Variants in CNOT6 observed in about 807,000 individuals in gnomAD.
The protein encoded by CNOT6 is CCR4-NOT transcription complex subunit 6, also known as carbon catabolite repression 4 protein.
In CNOT6, 12 loss-of-function variants were observed where a neutral mutation model predicts 61.2. The ratio of observed to expected loss-of-function variants is 0.20; its 90% CI spans 0.13 to 0.32. The LOEUF (loss-of-function observed/expected upper bound fraction) is 0.32, where lower values mean the gene tolerates loss of function less well. CNOT6 is among the 10% of genes least tolerant of loss of function. The probability of loss-of-function intolerance (pLI) is 1.00; values close to 1 mark genes in which losing one functional copy is unlikely to be tolerated. For synonymous variants in CNOT6, 225 were observed against 240.6 expected (o/e 0.94, Z 0.60); for missense variants, 405 against 663.9 (o/e 0.61, Z 4.28).
chr5:180,544,777 G>A (rs1759228841), intron 2 of CNOT6, among the ~76,000 whole-genome samples: 1 of 152,142 alleles, frequency 6.6e-6, no homozygotes, highest in Admixed American at 6.6e-5. Context: ...CCTCTCTTGA[G>A]TGAAGAGGGC....
intron 1 of CNOT6, among the ~76,000 whole-genome samples, chr5:180,519,240 A>T (rs555374828): frequency 1.3e-5 from 2 of 152,350 alleles, no homozygotes; most frequent in Admixed American, 6.5e-5. Flanking sequence ...GCAGGAGTTG[A>T]TGTTGGTTCA....
intron 2 of CNOT6, among the ~76,000 whole-genome samples, chr5:180,531,030 T>A (rs1168020296): frequency 6.6e-6 from 1 of 152,236 alleles, no homozygotes; most frequent in African/African-American, 2.4e-5. Flanking sequence ...CCCTTTTCTA[T>A]TCGACAAAAC....
At chr5:180,550,846 A>G (rs374302143) in intron 3 of CNOT6, among the ~76,000 whole-genome samples, 28 of 152,264 alleles carry the variant, frequency 1.8e-4, no homozygotes, top group African/African-American at 6.7e-4. Context: ...GACTTGAAGG[A>G]GCTATAATTA....
chr5:180,552,081 C>G (rs1411090853), intron 3 of CNOT6, among the ~76,000 whole-genome samples: 1 of 151,728 alleles, frequency 6.6e-6, no homozygotes, highest in African/African-American at 2.4e-5. Context: ...GTTGGCCAGG[C>G]TAGTCTCAAA....
chr5:180,546,151 C>T (rs1759303326), intron 2 of CNOT6, among the ~76,000 whole-genome samples: 1 of 152,140 alleles, frequency 6.6e-6, no homozygotes. Context: ...GCCTCGGCCT[C>T]CCAAAGTGCT....
intron 1 of CNOT6, among the ~76,000 whole-genome samples, chr5:180,514,660 T>C (rs1757551498): frequency 5.3e-5 from 8 of 152,222 alleles, no homozygotes; most frequent in Admixed American, 3.9e-4. Flanking sequence ...GGTTTTTGTT[T>C]GCTTTCCAGT....
Position 180,576,776 on chromosome 5 carries a change from A to G in CNOT6, c.*2576A>G, listed in dbSNP as rs183410300. 9 of 152,346 alleles carry G rather than the reference A, an allele frequency of 5.9e-5. No homozygotes were observed. Among genetic ancestry groups the G allele is most frequent in the Admixed American group, 3.9e-4 (6 of 15,302 alleles). 9.4% of individuals were successfully genotyped at this position (152,346 alleles called of 1,614,324 possible). On this transcript the variant is annotated 3_prime_UTR_variant, in exon 12 of 12. Transcript: ENST00000261951. ...TTTTCCGTGTCCTAAATAATTTTCA[A>G]TAATCTATAATCCCTAAAATGCAAT...
intron 4 of CNOT6, among the ~76,000 whole-genome samples, chr5:180,557,397 G>A (rs867797861): frequency 2.2e-4 from 33 of 152,010 alleles, no homozygotes; most frequent in African/African-American, 7.0e-4. Flanking sequence ...CCAGCATTTG[G>A]TGTTGTGACT....
Position 180,501,591 on chromosome 5 carries a change from C to T in CNOT6, c.-3+6828C>T, listed in dbSNP as rs559092422. On this transcript the variant is annotated intron_variant, in intron 1 of 11. Coordinates refer to ENST00000261951, the MANE Select transcript of CNOT6 (RefSeq NM_001370472.1). ...GAGTGTGTGAACAAATGTTTTTCAC[C>T]CTTTTGACAGAGGTAAGATCTCCAT... 2.5e-4 allele frequency among the ~76,000 whole-genome samples: 38 copies of T among 152,032 alleles called. No individual in the cohort carries two copies. The South Asian group carries it at 7.7e-3, about 31-fold the overall frequency.
chr5:180,518,035 G>A (rs1369647167), intron 1 of CNOT6, among the ~76,000 whole-genome samples: 1 of 152,134 alleles, frequency 6.6e-6, no homozygotes, highest in Non-Finnish European at 1.5e-5. Flanking sequence ...GATTACTATA[G>A]TAGTTTCGTC....
chr5:180,496,045 T>C (rs1382501581), intron 1 of CNOT6, among the ~76,000 whole-genome samples: 1 of 152,178 alleles, frequency 6.6e-6, no homozygotes, highest in East Asian at 1.9e-4. Flanking sequence ...CCTGACTAGC[T>C]GGGACTACCG....
At chr5:180,538,034 CTTTTT>C (rs57646217) in intron 2 of CNOT6, among the ~76,000 whole-genome samples, 1 of 74,362 alleles carries the variant, frequency 1.3e-5, no homozygotes. Flanking sequence ...GGAACATCAT[CTTTTT>C]TTTTTTTTTT....
chr5:180,523,924 T>A (rs1452521221), intron 1 of CNOT6, among the ~76,000 whole-genome samples: 3 of 152,230 alleles, frequency 2.0e-5, no homozygotes, highest in Non-Finnish European at 4.4e-5. Context: ...AGGTTTTGTA[T>A]GTTTAAGCTG....
At chr5:180,524,509 T>C (rs1025086397) in intron 1 of CNOT6, among the ~76,000 whole-genome samples, 2 of 152,078 alleles carry the variant, frequency 1.3e-5, no homozygotes, top group African/African-American at 4.8e-5. Flanking sequence ...ACTGAAGAGA[T>C]CTTCAGTGCC....
At chr5:180,503,751 G>T (rs541631776) in intron 1 of CNOT6, among the ~76,000 whole-genome samples, 1 of 151,470 alleles carries the variant, frequency 6.6e-6, no homozygotes, top group Non-Finnish European at 1.5e-5. Context: ...GACTACAGGC[G>T]TGCGCCACCA....
At chr5:180,509,911 C>T (rs139346819) in intron 1 of CNOT6, among the ~76,000 whole-genome samples, 15 of 148,504 alleles carry the variant, frequency 1.0e-4, no homozygotes, top group Admixed American at 6.1e-4. Flanking sequence ...GAGATTATCA[C>T]GGGGTTCTGA....
chr5:180,522,532 TGTTA>T (rs144268648), intron 1 of CNOT6, among the ~76,000 whole-genome samples: 1,584 of 152,328 alleles, frequency 0.01, 18 homozygotes, highest in Non-Finnish European at 0.015. Context: ...CGCCAGCATC[TGTTA>T]GTTTTTATCT....
At chr5:180,525,391 T>G (rs190015497) in intron 1 of CNOT6, among the ~76,000 whole-genome samples, 1 of 152,056 alleles carries the variant, frequency 6.6e-6, no homozygotes, top group Non-Finnish European at 1.5e-5. Context: ...ATACAAAGAT[T>G]AGCCTGGTGT....
chr5:180,529,145 C>T, intron 1 of CNOT6, 130 bp from the exon 2 acceptor site: 1 of 634,008 alleles, frequency 1.6e-6, no homozygotes, highest in Non-Finnish European at 2.8e-6. Context: ...TTGGAGTGAG[C>T]CAAAATCGTG....
Sources: allele counts gnomAD v4.1 joint callset (sites outside exome capture counted in the v4.1 genomes callset), GRCh38; gene constraint gnomAD v4.1.1; transcripts MANE v1.5; gene names NCBI Gene and HGNC (gene_info 2026-07-23, HGNC 2026-07-21).